DRD2: variants seen among roughly 807,000 people sequenced by gnomAD.
DRD2 encodes the protein D(2) dopamine receptor.
DRD2 carries 8 observed loss-of-function variants against 38.0 expected under a neutral mutation model. The ratio of observed to expected loss-of-function variants is 0.21; its 90% confidence interval spans 0.12 to 0.38. The LOEUF (loss-of-function observed/expected upper bound fraction) is 0.38. DRD2 is among the 10% of genes least tolerant of loss of function. The pLI, the probability that DRD2 is intolerant of heterozygous loss-of-function variation, is 1.00. For missense variants in DRD2, 403 were observed against 607.7 expected (o/e 0.66, Z 3.54); for synonymous variants, 230 against 238.6 (o/e 0.96, Z 0.33).
intron 3 of DRD2, 78 bp from the exon 4 acceptor site, chr11:113,417,077 A>G (rs1182501352): frequency 1.3e-6 from 2 of 1,561,972 alleles, no homozygotes; most frequent in African/African-American, 2.7e-5. Context: ...CACCAGAGAC[A>G]CCCTCACTCC....
intron 1 of DRD2, among the ~76,000 whole-genome samples, chr11:113,429,888 G>A (rs1950970868): frequency 1.3e-5 from 2 of 152,242 alleles, no homozygotes; most frequent in African/African-American, 4.8e-5. Flanking sequence ...ACAATTGTGA[G>A]TATTAAGTAA....
intron 1 of DRD2, among the ~76,000 whole-genome samples, chr11:113,427,412 C>A (rs1267450118): frequency 6.6e-6 from 1 of 152,076 alleles, no homozygotes; most frequent in Non-Finnish European, 1.5e-5. Flanking sequence ...AAACACACCC[C>A]AGTGCTGCAG....
At position 113,452,208 on chromosome 11, in the gene DRD2, G is replaced by A. The variant is rs1951215948; in HGVS notation, c.-32+22868C>T. Among the ~76,000 whole-genome samples, 3 of 152,170 alleles carry A rather than the reference G, an allele frequency of 2.0e-5. No homozygotes were observed. The South Asian group carries it at 6.2e-4, about 32-fold the overall frequency. On this transcript the variant is annotated intron_variant, in intron 1 of 7. Transcript: ENST00000362072. The stretch of plus-strand genomic sequence containing the variant: ...ACACAGGCATGTTTCAGGTAATTGA[G>A]AGCATGACAACCTCTCCAGGAGTCA...
At position 113,459,214 on chromosome 11, in the gene DRD2, T is replaced by G. The variant is rs554611646; in HGVS notation, c.-32+15862A>C. On this transcript the variant is annotated intron_variant, in intron 1 of 7. Coordinates refer to ENST00000362072, the MANE Select transcript of DRD2 (RefSeq NM_000795.4). ...TATAAGGAAGATAATATAGTCAGTA[T>G]TTGAAAGTGGTAGATATTATTCACT... 2.6e-5 allele frequency among the ~76,000 whole-genome samples: 4 copies of G among 152,330 alleles called. No individual in the cohort carries two copies. The East Asian group carries it at 7.7e-4, about 29-fold the overall frequency.
At chr11:113,432,363 C>G (rs1210636365) in intron 1 of DRD2, among the ~76,000 whole-genome samples, 1 of 151,472 alleles carries the variant, frequency 6.6e-6, no homozygotes, top group Non-Finnish European at 1.5e-5. Context: ...TCTATTTCAT[C>G]TGGGGCACAG....
chr11:113,418,747 G>A (rs190286681), intron 2 of DRD2, among the ~76,000 whole-genome samples: 1 of 152,226 alleles, frequency 6.6e-6, no homozygotes, highest in East Asian at 1.9e-4. Flanking sequence ...CACCCCTGTA[G>A]CCCAAAGCCT....
intron 2 of DRD2, among the ~76,000 whole-genome samples, chr11:113,421,756 G>A (rs1036224398): frequency 7.2e-5 from 11 of 152,172 alleles, no homozygotes; most frequent in Non-Finnish European, 1.3e-4. Flanking sequence ...GTGAGGGTGC[G>A]CTGATAGGAC....
intron 2 of DRD2, among the ~76,000 whole-genome samples, chr11:113,422,102 C>T (rs766074257): frequency 6.6e-6 from 1 of 152,122 alleles, no homozygotes; most frequent in Non-Finnish European, 1.5e-5. Context: ...TGCCCAGAGC[C>T]CTGGGTAGAA....
chr11:113,419,476 A>T (rs894295444), intron 2 of DRD2, among the ~76,000 whole-genome samples: 8 of 144,060 alleles, frequency 5.6e-5, no homozygotes, highest in Admixed American at 5.5e-4. Flanking sequence ...ACACACATGA[A>T]CGCACCGCCC....
intron 1 of DRD2, among the ~76,000 whole-genome samples, chr11:113,470,307 G>A (rs1591306519): frequency 6.6e-6 from 1 of 152,340 alleles, no homozygotes; most frequent in South Asian, 2.1e-4. Flanking sequence ...ATGAACAGGC[G>A]CCAGGACTCC....
At chr11:113,464,609 T>TCAG (rs1268208769) in intron 1 of DRD2, among the ~76,000 whole-genome samples, 1 of 152,206 alleles carries the variant, frequency 6.6e-6, no homozygotes, top group Non-Finnish European at 1.5e-5. Context: ...AGTCACCTGC[T>TCAG]CCTATGAGTG....
At chr11:113,466,126 C>T (rs1384999643) in intron 1 of DRD2, among the ~76,000 whole-genome samples, 1 of 152,156 alleles carries the variant, frequency 6.6e-6, no homozygotes, top group Non-Finnish European at 1.5e-5. Context: ...CTGCATTAGC[C>T]TGGTTTTTGA....
At chr11:113,462,113 G>T (rs1020858187) in intron 1 of DRD2, among the ~76,000 whole-genome samples, 2 of 152,104 alleles carry the variant, frequency 1.3e-5, no homozygotes, top group African/African-American at 4.8e-5. Flanking sequence ...GTCCTCATTT[G>T]CCTTCTAACT....
chr11:113,446,553 G>A lies in DRD2; in HGVS notation c.-31-21871C>T, dbSNP rs1233552911. On this transcript the variant is annotated intron_variant, in intron 1 of 7. Coordinates refer to ENST00000362072, the MANE Select transcript of DRD2 (RefSeq NM_000795.4). Reference sequence around the variant, plus strand: ...CCTATGTCAACTAGGAAGTGGCAGTGGAGGATGGAAGACTGGGTTTGTCTA... The same window carrying A: ...CCTATGTCAACTAGGAAGTGGCAGTAGAGGATGGAAGACTGGGTTTGTCTA... 3.9e-5 allele frequency among the ~76,000 whole-genome samples: 6 copies of A among 152,340 alleles called. No homozygotes were observed. The East Asian group carries it at 9.6e-4, about 24-fold the overall frequency.
chr11:113,420,377 CAA>C (rs1366335002), intron 2 of DRD2, among the ~76,000 whole-genome samples: 1 of 152,188 alleles, frequency 6.6e-6, no homozygotes, highest in Admixed American at 6.5e-5. Context: ...CCCAGAATAA[CAA>C]AGAGATTTCC....
At chr11:113,434,093 C>G (rs535336879) in intron 1 of DRD2, among the ~76,000 whole-genome samples, 22 of 152,320 alleles carry the variant, frequency 1.4e-4, no homozygotes, top group South Asian at 4.1e-4. Flanking sequence ...TCCAAGGAAG[C>G]CTTCCTGCCA....
intron 1 of DRD2, among the ~76,000 whole-genome samples, chr11:113,457,413 T>C (rs80014933): frequency 0.065 from 9,921 of 152,082 alleles, 358 homozygotes; most frequent in East Asian, 0.15. Context: ...GACTGTACAG[T>C]TCTATTTCTG....
At position 113,412,733 on chromosome 11, in the gene DRD2, T is replaced by G; in HGVS notation, c.961A>C (p.Ser321Arg). ...SHHGLHSTPD[S>R]PAKPEKNGHA... The stretch of plus-strand genomic sequence containing the variant: ...CCATTCTTCTCTGGTTTGGCGGGGC[T>G]GTCGGGAGTGCTGTGGAGACCATGG... Residue 321 changes from serine (S) to arginine (R), a missense_variant, in exon 7 of 8, where the codon AGC (serine) becomes CGC (arginine). By Grantham distance (110) the Ser-to-Arg change is moderately radical. This residue lies in a region of DRD2 where 166 missense variants were observed against 178.6 expected (regional missense o/e 0.93). Coordinates refer to ENST00000362072, the MANE Select transcript of DRD2 (RefSeq NM_000795.4). 6.2e-7 allele frequency: 1 copy of G among 1,614,084 alleles called. No individual in the cohort carries two copies. Among genetic ancestry groups the G allele is most frequent in the Non-Finnish European group, 8.5e-7 (1 of 1,179,944 alleles).
Position 113,410,549 on chromosome 11 carries a change from G to T in DRD2, c.*178C>A. ...TGCCCAGCTCACTAGCACTGCCCTG[G>T]CAGAGTGAGGGTGTGCGGGCAGTGA... On this transcript the variant is annotated 3_prime_UTR_variant, in exon 8 of 8. Transcript: ENST00000362072. 1.2e-6 allele frequency: 1 copy of T among 822,372 alleles called. No individual in the cohort carries two copies. The highest frequency in any genetic ancestry group is 2.0e-6 in the Non-Finnish European group (1 of 503,920). 50.9% of individuals were successfully genotyped at this position (822,372 alleles called of 1,614,324 possible).
Sources: allele counts gnomAD v4.1 joint callset (sites outside exome capture counted in the v4.1 genomes callset), GRCh38; gene constraint gnomAD v4.1.1; regional missense constraint gnomAD v4.1.1; transcripts MANE v1.5; gene names NCBI Gene and HGNC (gene_info 2026-07-23, HGNC 2026-07-21).